PDE6D: variants seen among roughly 807,000 people sequenced by gnomAD.
PDE6D encodes the protein retinal rod rhodopsin-sensitive cGMP 3',5'-cyclic phosphodiesterase subunit delta.
PDE6D carries 10 observed loss-of-function variants against 21.9 expected under a neutral mutation model. The ratio of observed to expected loss-of-function variants is 0.46; its 90% CI spans 0.28 to 0.78. The LOEUF (loss-of-function observed/expected upper bound fraction) is 0.78. PDE6D is among the 30% of genes least tolerant of loss of function. The probability of loss-of-function intolerance (pLI) is 0.12; values close to 1 mark genes in which losing one functional copy is unlikely to be tolerated. For synonymous variants in PDE6D, 59 were observed against 63.5 expected (o/e 0.93, Z 0.34); for missense variants, 139 against 184.8 (o/e 0.75, Z 1.44).
chr2:231,751,335 A>AT (rs922747758), intron 1 of PDE6D, among the ~76,000 whole-genome samples: 2 of 151,982 alleles, frequency 1.3e-5, no homozygotes, highest in African/African-American at 2.4e-5. Flanking sequence ...TTTTAAAAAC[A>AT]TTTTTTATAG....
At chr2:231,753,499 C>T (rs2048859283) in intron 1 of PDE6D, among the ~76,000 whole-genome samples, 1 of 151,602 alleles carries the variant, frequency 6.6e-6, no homozygotes, top group Non-Finnish European at 1.5e-5. Context: ...TGCAGTGAGC[C>T]GAGATCGTGC....
intron 1 of PDE6D, among the ~76,000 whole-genome samples, chr2:231,769,640 G>A (rs557114405): frequency 7.2e-5 from 11 of 151,962 alleles, no homozygotes; most frequent in African/African-American, 2.7e-4. Flanking sequence ...TAGAGATGGG[G>A]TCTTGCTCTG....
intron 1 of PDE6D, among the ~76,000 whole-genome samples, chr2:231,756,257 C>A (rs1157161591): frequency 1.3e-5 from 2 of 152,126 alleles, no homozygotes; most frequent in African/African-American, 2.4e-5. Context: ...AAGGTTTGGG[C>A]AAGAAGACAT....
At chr2:231,758,901 A>G (rs935001683) in intron 1 of PDE6D, among the ~76,000 whole-genome samples, 13 of 152,174 alleles carry the variant, frequency 8.5e-5, no homozygotes, top group African/African-American at 3.1e-4. Context: ...GGGTACCAGG[A>G]AAGAAAACTC....
chr2:231,780,387 G>C (rs1033198512), intron 1 of PDE6D, among the ~76,000 whole-genome samples: 1 of 152,132 alleles, frequency 6.6e-6, no homozygotes, highest in African/African-American at 2.4e-5. Context: ...GAGGCGCTGA[G>C]GGGGAAGCAG....
chr2:231,738,651 C>T (rs1175486667), intron 2 of PDE6D, among the ~76,000 whole-genome samples: 1 of 152,114 alleles, frequency 6.6e-6, no homozygotes, highest in Non-Finnish European at 1.5e-5. Context: ...CGTGGTGGCT[C>T]ACACCTGTAA....
intron 1 of PDE6D, among the ~76,000 whole-genome samples, chr2:231,744,160 A>G (rs1370529029): frequency 6.6e-6 from 1 of 152,234 alleles, no homozygotes; most frequent in Non-Finnish European, 1.5e-5. Flanking sequence ...ACAAAGCTGC[A>G]GTTGGAGCAG....
chr2:231,738,939 A>AAAAAAG, intron 2 of PDE6D, among the ~76,000 whole-genome samples, 161 bp downstream of exon 2: 1 of 151,674 alleles, frequency 6.6e-6, no homozygotes, highest in East Asian at 1.9e-4. Context: ...AAAAAAAAAA[A>AAAAAAG]AAAAAGAAAG....
intron 1 of PDE6D, among the ~76,000 whole-genome samples, chr2:231,775,342 C>T (rs1458781158): frequency 6.6e-6 from 1 of 152,026 alleles, no homozygotes; most frequent in Non-Finnish European, 1.5e-5. Flanking sequence ...GGGTCTCACT[C>T]TGTTACCCTG....
intron 3 of PDE6D, 138 bp from the exon 4 acceptor site, chr2:231,737,430 G>A (rs763485369): frequency 5.3e-6 from 3 of 564,782 alleles, no homozygotes; most frequent in Non-Finnish European, 9.5e-6. Context: ...CTCAGACCAG[G>A]GGCGTAAAAA....
chr2:231,753,762 C>T (rs905307225), intron 1 of PDE6D, among the ~76,000 whole-genome samples: 2 of 152,148 alleles, frequency 1.3e-5, no homozygotes, highest in African/African-American at 4.8e-5. Context: ...TCCTAAAATA[C>T]AAACTGGATC....
Position 231,739,219 on chromosome 2 carries a change from C to T in PDE6D, c.51-31G>A, listed in dbSNP as rs368567733. The T allele has an allele frequency of 4.2e-5, 57 of 1,357,310 alleles. No individual in the cohort carries two copies. In the African/African-American group the frequency reaches 7.6e-4, roughly 18 times the overall value. 84.1% of individuals were successfully genotyped at this position (1,357,310 alleles called of 1,614,324 possible). On this transcript the variant is annotated intron_variant, in intron 1 of 4. Coordinates refer to ENST00000287600, the MANE Select transcript of PDE6D (RefSeq NM_002601.4). The surrounding 1 kb of genome is among the most constrained non-coding windows in gnomAD (Gnocchi z 4.2). ...CAAATATGACTAAGGAAAAATAAGGCACTGAAAGTGACTCCCACTTTGTAT... is the reference window on the plus strand; with the variant it reads ...CAAATATGACTAAGGAAAAATAAGGTACTGAAAGTGACTCCCACTTTGTAT...
At chr2:231,738,919 CAAAAAAAAA>C in intron 2 of PDE6D, among the ~76,000 whole-genome samples, 172 bp downstream of exon 2, 1 of 62,658 alleles carries the variant, frequency 1.6e-5, no homozygotes, top group East Asian at 6.6e-4. Context: ...GACTGTGTCT[CAAAAAAAAA>C]AAAAAAAAAA....
At position 231,739,666 on chromosome 2, in the gene PDE6D, C is replaced by G. The variant is rs1191187896; in HGVS notation, c.51-478G>C. Among the ~76,000 whole-genome samples the G allele has an allele frequency of 6.6e-6, 1 of 151,232 alleles. No individual in the cohort carries two copies. Among genetic ancestry groups the G allele is most frequent in the Non-Finnish European group, 1.5e-5 (1 of 67,902 alleles). ...TTTTTTTTTGAAACAGAGTCTCACT[C>G]TGTCACACAGGCTGGAATGCAGTGG... On this transcript the variant is annotated intron_variant, in intron 1 of 4. Coordinates refer to ENST00000287600, the MANE Select transcript of PDE6D (RefSeq NM_002601.4). The surrounding 1 kb of genome is among the most constrained non-coding windows in gnomAD (Gnocchi z 4.2).
At chr2:231,758,325 A>G (rs1409949437) in intron 1 of PDE6D, among the ~76,000 whole-genome samples, 1 of 151,596 alleles carries the variant, frequency 6.6e-6, no homozygotes, top group Non-Finnish European at 1.5e-5. Flanking sequence ...TTTTGTAGAG[A>G]CAAGGTCTCA....
chr2:231,734,561 G>A (rs1214794402), intron 4 of PDE6D, among the ~76,000 whole-genome samples: 1 of 151,962 alleles, frequency 6.6e-6, no homozygotes, highest in African/African-American at 2.4e-5. Flanking sequence ...AGGTAAATAG[G>A]CCGGGCATGG....
rs555423349 is a variant in PDE6D at position 231,743,562 on chromosome 2, T to G, written c.51-4374A>C. Among the ~76,000 whole-genome samples, 6 of 152,284 alleles carry G rather than the reference T, an allele frequency of 3.9e-5. No individual in the cohort carries two copies. The South Asian group carries it at 1.0e-3, about 26-fold the overall frequency. ...TGTGGGCATCCCTGCATGAATGTACTGTCGCTTTCAGATCACATTGGCTGT... is the reference window on the plus strand; with the variant it reads ...TGTGGGCATCCCTGCATGAATGTACGGTCGCTTTCAGATCACATTGGCTGT... On this transcript the variant is annotated intron_variant, in intron 1 of 4. Transcript: ENST00000287600.
intron 1 of PDE6D, among the ~76,000 whole-genome samples, chr2:231,767,125 G>A (rs1332998166): frequency 6.6e-6 from 1 of 151,742 alleles, no homozygotes; most frequent in Non-Finnish European, 1.5e-5. Flanking sequence ...AGGCTCACAG[G>A]TATCGAAGCT....
At chr2:231,778,689 C>A (rs2049076161) in intron 1 of PDE6D, 1 of 152,218 alleles carries the variant, frequency 6.6e-6, no homozygotes, top group African/African-American at 2.4e-5. Flanking sequence ...CAGGGACACA[C>A]AACTAGGAGC....
Sources: gnomAD v4.1 joint callset for allele counts (sites outside exome capture counted in the v4.1 genomes callset) on GRCh38, gnomAD v4.1.1 for gene constraint, Gnocchi (gnomAD v3.1) non-coding constraint, MANE v1.5 for transcripts, NCBI Gene and HGNC (gene_info 2026-07-23, HGNC 2026-07-21) for gene names.